The following MTUS1 variants were observed in gnomAD, a reference collection of about 807,000 sequenced individuals.
MTUS1 encodes microtubule associated scaffold protein 1.
In MTUS1, 109 loss-of-function variants were observed where a neutral mutation model predicts 120.8. The ratio of observed to expected loss-of-function variants is 0.90; its 90% confidence interval spans 0.77 to 1.06. The LOEUF (loss-of-function observed/expected upper bound fraction) is 1.06. MTUS1 is among the 50% of genes least tolerant of loss of function. The pLI, the probability that MTUS1 is intolerant of heterozygous loss-of-function variation, is 0.00. For missense variants in MTUS1, 2,210 were observed against 1,486.3 expected (o/e 1.49, Z -8.01); for synonymous variants, 737 against 550.5 (o/e 1.34, Z -4.74).
At position 17,754,477 on chromosome 8, in the gene MTUS1, G is replaced by A. The variant is rs766552966; in HGVS notation, c.1331C>T (p.Pro444Leu). Reference protein sequence around the residue: ...EPTKVTFSVSPIEATEKCKKV... With the variant: ...EPTKVTFSVSLIEATEKCKKV... ...CTTACATTTCTCCGTCGCTTCAATC[G>A]GTGAAACAGAAAAGGTTACTTTTGT... The change falls in exon 2 of 15, where the codon CCG becomes CTG. Residue 444 changes from proline to leucine, a missense_variant. Coordinates refer to ENST00000693296, the MANE Select transcript of MTUS1 (RefSeq NM_001363059.2). 1.2e-5 allele frequency: 19 copies of A among 1,614,000 alleles called. No homozygotes were observed. The highest frequency in any genetic ancestry group is 2.2e-5 in the South Asian group (2 of 91,066).
At position 17,644,643 on chromosome 8, in the gene MTUS1, G is replaced by A. The variant is rs1805448974; in HGVS notation, c.*1283C>T. The A allele has an allele frequency of 6.6e-6, 1 of 152,188 alleles. No individual in the cohort carries two copies. Among genetic ancestry groups the A allele is most frequent in the South Asian group, 2.1e-4 (1 of 4,826 alleles). 9.4% of individuals were successfully genotyped at this position (152,188 alleles called of 1,614,324 possible). A position where few individuals can be genotyped will look rare whatever the true frequency, so the allele number is the denominator to read the frequency against. ...TCCTTAAAGGGTAACTGAAAAATGAGCGCTATCCTCCCAGACTGTTTTCTT... is the reference window on the plus strand; with the variant it reads ...TCCTTAAAGGGTAACTGAAAAATGAACGCTATCCTCCCAGACTGTTTTCTT... On this transcript the variant is annotated 3_prime_UTR_variant, in exon 15 of 15. Coordinates refer to ENST00000693296, the MANE Select transcript of MTUS1 (RefSeq NM_001363059.2).
In MTUS1 at chr8:17,780,484, T is replaced by C. The variant is rs150229038; in HGVS notation, c.-155+20577A>G. Among the ~76,000 whole-genome samples the C allele has an allele frequency of 4.3e-4, 65 of 152,356 alleles. 1 individual carries two copies. The East Asian group carries it at 0.012, about 29-fold the overall frequency. On this transcript the variant is annotated intron_variant, in intron 1 of 14. Coordinates refer to ENST00000693296, the MANE Select transcript of MTUS1 (RefSeq NM_001363059.2). ...TCCAGACCCCTGCCCATTTCCTTCT[T>C]GTCCTAGTGTTCCTGGTTTTCAACA...
At chr8:17,782,297 G>C (rs989123667) in intron 1 of MTUS1, among the ~76,000 whole-genome samples, 3 of 152,164 alleles carry the variant, frequency 2.0e-5, no homozygotes, top group African/African-American at 7.2e-5. Context: ...ATACCAAGAT[G>C]ATGTAGTAAG....
intron 3 of MTUS1, among the ~76,000 whole-genome samples, chr8:17,738,132 G>C (rs1048177847): frequency 2.6e-5 from 4 of 152,168 alleles, no homozygotes; most frequent in Admixed American, 1.3e-4. Flanking sequence ...GAAATAAAGA[G>C]TTGCCCTTTT....
rs60406848 is a variant in MTUS1 at position 17,765,678 on chromosome 8, CCACACACACACACA to C, written c.-154-9731_-154-9718del. ...CTTCACCATCATTAAAATACAGACA[CCACACACACACACA>C]CACACACACACACACACACACACAC... On this transcript the variant is annotated intron_variant, in intron 1 of 14. Coordinates refer to ENST00000693296, the MANE Select transcript of MTUS1 (RefSeq NM_001363059.2). Among the ~76,000 whole-genome samples, 93 of 130,160 alleles carry C rather than the reference CCACACACACACACA, an allele frequency of 7.1e-4. 1 individual carries two copies. Among genetic ancestry groups the C allele is most frequent in the African/African-American group, 1.6e-3 (56 of 34,542 alleles). 85.4% of individuals were successfully genotyped at this position (130,160 alleles called of 152,430 possible). A position where few individuals can be genotyped will look rare whatever the true frequency, so the allele number is the denominator to read the frequency against.
At chr8:17,721,832 T>C in intron 4 of MTUS1, 1 of 1,614,144 alleles carries the variant, frequency 6.2e-7, no homozygotes, top group Non-Finnish European at 8.5e-7. Flanking sequence ...GGGGTGAGTG[T>C]AGAATTGATA....
chr8:17,682,815 T>C (rs7464791), intron 7 of MTUS1, among the ~76,000 whole-genome samples: 92,912 of 152,052 alleles, frequency 0.61, 28,576 homozygotes, highest in East Asian at 0.72. Flanking sequence ...TACTTGGTTA[T>C]ATAAACACAC....
At chr8:17,669,499 T>A (rs1209775119) in intron 8 of MTUS1, among the ~76,000 whole-genome samples, 1 of 152,134 alleles carries the variant, frequency 6.6e-6, no homozygotes, top group African/African-American at 2.4e-5. Context: ...GTGCTTAGTA[T>A]GTCTGGATTT....
chr8:17,699,958 C>A (rs1818712784), intron 6 of MTUS1, among the ~76,000 whole-genome samples: 1 of 152,080 alleles, frequency 6.6e-6, no homozygotes, highest in Non-Finnish European at 1.5e-5. Context: ...CCAAAAAATT[C>A]TTTGATTATT....
At chr8:17,800,282 G>C (rs771262561) in intron 1 of MTUS1, among the ~76,000 whole-genome samples, 3 of 151,954 alleles carry the variant, frequency 2.0e-5, no homozygotes, top group Non-Finnish European at 4.4e-5. Context: ...ATTGACTTTC[G>C]ATCACCTGCA....
At chr8:17,758,245 G>C (rs959741292) in intron 1 of MTUS1, 1 of 152,130 alleles carries the variant, frequency 6.6e-6, no homozygotes, top group African/African-American at 2.4e-5. Flanking sequence ...AAACTGAAAC[G>C]ATCAGTTTTC....
intron 6 of MTUS1, among the ~76,000 whole-genome samples, chr8:17,701,839 G>T (rs60753448): frequency 6.6e-6 from 1 of 151,502 alleles, no homozygotes; most frequent in Non-Finnish European, 1.5e-5. Flanking sequence ...GTGAGCCACC[G>T]CACCCGGCCA....
intron 4 of MTUS1, among the ~76,000 whole-genome samples, chr8:17,716,218 A>C (rs1232784255): frequency 6.6e-6 from 1 of 152,228 alleles, no homozygotes; most frequent in East Asian, 1.9e-4. Flanking sequence ...CTATGTAACA[A>C]GAATGCCCCA....
intron 1 of MTUS1, among the ~76,000 whole-genome samples, chr8:17,794,050 G>A (rs555562346): frequency 9.5e-4 from 145 of 152,152 alleles, no homozygotes; most frequent in Admixed American, 1.6e-3. Context: ...AACACAGGCC[G>A]GGCACAGTGG....
intron 1 of MTUS1, among the ~76,000 whole-genome samples, chr8:17,779,803 C>T (rs2050732173): frequency 6.6e-6 from 1 of 152,184 alleles, no homozygotes; most frequent in Non-Finnish European, 1.5e-5. Context: ...CGGGGGCAGC[C>T]CCTTATTCCT....
chr8:17,721,995 G>T, intron 4 of MTUS1: 19 of 1,208,886 alleles, frequency 1.6e-5, no homozygotes, highest in East Asian at 6.0e-5. Context: ...CGAATGGAGG[G>T]AAAAAAAAAA....
chr8:17,762,452 A>T (rs1045738440), intron 1 of MTUS1, among the ~76,000 whole-genome samples: 2 of 152,178 alleles, frequency 1.3e-5, no homozygotes, highest in South Asian at 4.1e-4. Context: ...GCAAGCTTAC[A>T]TTCTTAAATT....
intron 6 of MTUS1, chr8:17,692,323 C>T (rs1287023130): frequency 6.6e-6 from 1 of 152,184 alleles, no homozygotes; most frequent in Admixed American, 6.5e-5. Context: ...CCACCCCTTC[C>T]TCATTTCTTT....
chr8:17,748,623 C>T (rs1332817862), intron 2 of MTUS1, among the ~76,000 whole-genome samples: 1 of 152,190 alleles, frequency 6.6e-6, no homozygotes. Flanking sequence ...CACCTGGGCA[C>T]CACTGTGGGG....
Sources: allele counts gnomAD v4.1 joint callset (sites outside exome capture counted in the v4.1 genomes callset), GRCh38; gene constraint gnomAD v4.1.1; transcripts MANE v1.5; gene names NCBI Gene and HGNC (gene_info 2026-07-23, HGNC 2026-07-21).